MMP27: variants seen among roughly 807,000 people sequenced by gnomAD.
MMP27 encodes matrix metalloproteinase-27.
MMP27 carries 51 observed loss-of-function variants against 48.1 expected under a neutral mutation model. That is an observed-to-expected ratio of 1.06 (90% CI 0.85 to 1.34). The LOEUF (loss-of-function observed/expected upper bound fraction) is 1.34. Among genes scored for constraint, MMP27 ranks in the 40% most tolerant of loss-of-function variants. The pLI, the probability that MMP27 is intolerant of heterozygous loss-of-function variation, is 0.00. For synonymous variants in MMP27, 229 were observed against 208.9 expected (o/e 1.10, Z -0.83); for missense variants, 698 against 619.3 (o/e 1.13, Z -1.35).
intron 4 of MMP27, among the ~76,000 whole-genome samples, chr11:102,700,657 A>G (rs1038523895): frequency 5.3e-5 from 8 of 152,244 alleles, no homozygotes; most frequent in African/African-American, 1.7e-4. Flanking sequence ...TGTCTGCCAA[A>G]CTACAAACCA....
intron 4 of MMP27, among the ~76,000 whole-genome samples, chr11:102,700,191 T>C (rs1322202895): frequency 1.3e-5 from 2 of 152,224 alleles, no homozygotes; most frequent in African/African-American, 4.8e-5. Flanking sequence ...AAATGATCAT[T>C]GAGTGACTTT....
At chr11:102,693,821 T>C (rs926828420) in intron 8 of MMP27, 85 bp downstream of exon 8, 10 of 1,161,860 alleles carry the variant, frequency 8.6e-6, no homozygotes, top group Non-Finnish European at 9.4e-6. Context: ...TATGGATTCA[T>C]TTTAATTTTG....
intron 4 of MMP27, among the ~76,000 whole-genome samples, chr11:102,698,245 A>G (rs561906014): frequency 1.3e-5 from 2 of 152,306 alleles, no homozygotes; most frequent in East Asian, 3.8e-4. Context: ...GTTTATATCA[A>G]CATCACCACA....
At chr11:102,694,935 G>A in intron 7 of MMP27, 32 bp downstream of exon 7, 6 of 1,611,642 alleles carry the variant, frequency 3.7e-6, no homozygotes, top group South Asian at 2.2e-5. Flanking sequence ...GGCAGCCAGA[G>A]GGAGAAGAGG....
intron 4 of MMP27, among the ~76,000 whole-genome samples, chr11:102,701,616 G>T (rs888148741): frequency 2.0e-5 from 3 of 152,136 alleles, no homozygotes; most frequent in African/African-American, 7.2e-5. Flanking sequence ...TCTCTTGCTT[G>T]GGTGACAATG....
At chr11:102,693,173 A>G in intron 8 of MMP27, 132 bp from the exon 9 acceptor site, 1 of 592,808 alleles carries the variant, frequency 1.7e-6, no homozygotes, top group Non-Finnish European at 3.0e-6. Context: ...TAATTGGATC[A>G]ATAATAAAAA....
chr11:102,691,527 A>C lies in MMP27; in HGVS notation c.*239T>G. On this transcript the variant is annotated 3_prime_UTR_variant, in exon 10 of 10. Coordinates refer to ENST00000260229, the MANE Select transcript of MMP27 (RefSeq NM_022122.3). Reference sequence around the variant, plus strand: ...TGGTTTAATAAATGTTTCAGTATTCAGTTATAAGACATGTCTTCTCCAAGT... The same window carrying C: ...TGGTTTAATAAATGTTTCAGTATTCCGTTATAAGACATGTCTTCTCCAAGT... The C allele has an allele frequency of 2.8e-6, 1 of 362,116 alleles. No individual in the cohort carries two copies. The highest frequency in any genetic ancestry group is 5.0e-6 in the Non-Finnish European group (1 of 201,326). 22.4% of individuals were successfully genotyped at this position (362,116 alleles called of 1,614,324 possible).
chr11:102,698,060 A>ATTCT (rs1259875075), intron 4 of MMP27, among the ~76,000 whole-genome samples: 1 of 152,064 alleles, frequency 6.6e-6, no homozygotes, highest in Non-Finnish European at 1.5e-5. Flanking sequence ...ACAGTTACCT[A>ATTCT]TTCTTTCTTT....
chr11:102,693,283 A>G (rs1465455488), intron 8 of MMP27, among the ~76,000 whole-genome samples: 1 of 152,260 alleles, frequency 6.6e-6, no homozygotes, highest in Non-Finnish European at 1.5e-5. Flanking sequence ...GATGCTATTC[A>G]GAGAAATCGT....
chr11:102,695,289 A>T (rs1385649522), intron 6 of MMP27, among the ~76,000 whole-genome samples, 192 bp from the exon 7 acceptor site: 2 of 152,192 alleles, frequency 1.3e-5, no homozygotes, highest in African/African-American at 2.4e-5. Flanking sequence ...AGTCCAGGAC[A>T]TGCCTTTGTG....
chr11:102,692,143 T>C (rs964374322), intron 9 of MMP27, 133 bp from the exon 10 acceptor site: 7 of 792,182 alleles, frequency 8.8e-6, no homozygotes, highest in Non-Finnish European at 3.7e-6. Context: ...ACATACATTT[T>C]AGTTTTCTAC....
chr11:102,693,501 G>C (rs1330862052), intron 8 of MMP27, among the ~76,000 whole-genome samples: 2 of 152,030 alleles, frequency 1.3e-5, no homozygotes, highest in Non-Finnish European at 1.5e-5. Flanking sequence ...GAAGACTATG[G>C]GCTGGGCGTG....
intron 1 of MMP27, 74 bp from the exon 2 acceptor site, chr11:102,704,849 C>A: frequency 7.4e-5 from 68 of 919,874 alleles, no homozygotes; most frequent in South Asian, 1.9e-4. Flanking sequence ...CAGGATAAAG[C>A]AAAATTGCCT....
intron 8 of MMP27, 55 bp downstream of exon 8, chr11:102,693,851 A>G (rs529737766): frequency 9.4e-4 from 1,320 of 1,399,174 alleles, no homozygotes; most frequent in Non-Finnish European, 1.2e-3. Context: ...AAGTGATGCT[A>G]TTGTGAATAT....
At chr11:102,696,116 A>G (rs376068008) in intron 6 of MMP27, among the ~76,000 whole-genome samples, 4 of 152,240 alleles carry the variant, frequency 2.6e-5, no homozygotes, top group East Asian at 1.9e-4. Context: ...TCTGGCCAAA[A>G]AGTCACTGAA....
chr11:102,704,625 T>C lies in MMP27; in HGVS notation c.253A>G (p.Ile85Val). The C allele has an allele frequency of 1.2e-6, 2 of 1,614,174 alleles. No homozygotes were observed. The highest frequency in any genetic ancestry group is 1.7e-5 in the Admixed American group (1 of 60,024). ...TGKLDSNTLE[I>V]MKTPRCGVPD... ...ACCCCACACCTGGGTGTCTTCATGATCTCAAGGGTGTTTGAGTCCAGTTTT... is the reference window on the plus strand; with the variant it reads ...ACCCCACACCTGGGTGTCTTCATGACCTCAAGGGTGTTTGAGTCCAGTTTT... Residue 85 changes from isoleucine (I) to valine (V), a missense_variant, in exon 2 of 10, where the codon ATC becomes GTC. Transcript: ENST00000260229.
chr11:102,705,580 A>C (rs991083814), intron 1 of MMP27, 33 bp downstream of exon 1: 3 of 1,282,894 alleles, frequency 2.3e-6, no homozygotes, highest in Non-Finnish European at 3.2e-6. Context: ...GCTTTTTATC[A>C]ATAGTCATCG....
Position 102,696,419 on chromosome 11 carries a change from A to G in MMP27, c.854T>C (p.Phe285Ser), listed in dbSNP as rs199882729. Reference protein sequence around the residue: ...IPHACDPDLTFDAITTFRREV... With the variant: ...IPHACDPDLTSDAITTFRREV... ...TCTGCGGAAAGTTGTGATAGCGTCA[A>G]AAGTCAAGTCAGGGTCACAGGCATG... The change falls in exon 6 of 10, where the codon TTT becomes TCT. Residue 285 changes from phenylalanine to serine, a missense_variant. Coordinates refer to ENST00000260229, the MANE Select transcript of MMP27 (RefSeq NM_022122.3). 38 of 1,613,818 alleles carry G rather than the reference A, an allele frequency of 2.4e-5. No individual in the cohort carries two copies. Among genetic ancestry groups the G allele is most frequent in the Non-Finnish European group, 2.7e-5 (32 of 1,179,894 alleles).
intron 4 of MMP27, among the ~76,000 whole-genome samples, chr11:102,701,300 TA>T (rs34278454): frequency 2.0e-5 from 3 of 151,052 alleles, no homozygotes. Context: ...ACATCGGACT[TA>T]AAAAAAAATA....
Sources: allele counts gnomAD v4.1 joint callset (sites outside exome capture counted in the v4.1 genomes callset), GRCh38; gene constraint gnomAD v4.1.1; transcripts MANE v1.5; gene names NCBI Gene and HGNC (gene_info 2026-07-23, HGNC 2026-07-21).